Variants in SLC16A10 observed in about 807,000 individuals in gnomAD.
SLC16A10 encodes the protein solute carrier family 16 member 10.
SLC16A10 carries 27 observed loss-of-function variants against 40.0 expected under a neutral mutation model. The ratio of observed to expected loss-of-function variants is 0.67; its 90% confidence interval spans 0.50 to 0.93. The LOEUF (loss-of-function observed/expected upper bound fraction) is 0.93. Among genes scored for constraint, SLC16A10 ranks in the 40% least tolerant of loss-of-function variants. SLC16A10 has a pLI of 0.00. For missense variants in SLC16A10, 529 were observed against 658.2 expected (o/e 0.80, Z 2.15); for synonymous variants, 213 against 249.8 (o/e 0.85, Z 1.39).
At chr6:111,196,011 T>TA (rs1052182913) in intron 3 of SLC16A10, among the ~76,000 whole-genome samples, 2 of 151,560 alleles carry the variant, frequency 1.3e-5, no homozygotes, top group Non-Finnish European at 2.9e-5. Context: ...AAAAAAACAA[T>TA]AAAAAAACAC....
In SLC16A10 at chr6:111,146,164, T is replaced by G. The variant is rs114816245; in HGVS notation, c.344-26531T>G. Among the ~76,000 whole-genome samples, 1,259 of 152,330 alleles carry G rather than the reference T, an allele frequency of 8.3e-3. 27 individuals are homozygous for G. Among genetic ancestry groups the G allele is most frequent in the African/African-American group, 0.029 (1,197 of 41,572 alleles). On this transcript the variant is annotated intron_variant, in intron 1 of 5. Transcript: ENST00000368851. Reference sequence around the variant, plus strand: ...TGTTGAAAGGATTTGAATAGACATTTCTTCAAAGAAGACATATAAATCACC... The same window carrying G: ...TGTTGAAAGGATTTGAATAGACATTGCTTCAAAGAAGACATATAAATCACC...
intron 1 of SLC16A10, among the ~76,000 whole-genome samples, chr6:111,150,763 G>C (rs1772159338): frequency 1.3e-5 from 2 of 152,160 alleles, no homozygotes; most frequent in Admixed American, 1.3e-4. Flanking sequence ...GTGGAAACAG[G>C]CTCTGAGTTG....
In SLC16A10 at chr6:111,087,649, C is replaced by T. The variant is rs537487771; in HGVS notation, c.-104C>T. 2.1e-3 allele frequency: 1,357 copies of T among 655,504 alleles called. 18 individuals carry two copies. In the African/African-American group the frequency reaches 0.024, roughly 11 times the overall value. 40.6% of individuals were successfully genotyped at this position (655,504 alleles called of 1,614,324 possible). A position where few individuals can be genotyped will look rare whatever the true frequency, so the allele number is the denominator to read the frequency against. ...CCGCCAGGGGCTCCGCCGCCCTCGCCTCGGCCTCGTTAGCCCGCCAGGAGC... is the reference window on the plus strand; with the variant it reads ...CCGCCAGGGGCTCCGCCGCCCTCGCTTCGGCCTCGTTAGCCCGCCAGGAGC... On this transcript the variant is annotated 5_prime_UTR_variant, in exon 1 of 6. Coordinates refer to ENST00000368851, the MANE Select transcript of SLC16A10 (RefSeq NM_018593.5).
In SLC16A10 at chr6:111,222,833, C is replaced by G. The variant is rs888510290; in HGVS notation, c.*598C>G. 3.3e-5 allele frequency: 5 copies of G among 152,760 alleles called. No individual in the cohort carries two copies. The Admixed American group carries it at 3.3e-4, about 10-fold the overall frequency. 9.5% of individuals were successfully genotyped at this position (152,760 alleles called of 1,614,324 possible). On this transcript the variant is annotated 3_prime_UTR_variant, in exon 6 of 6. Coordinates refer to ENST00000368851, the MANE Select transcript of SLC16A10 (RefSeq NM_018593.5). ...TGGGAGCAGGTGCTAACATAGTGTT[C>G]AGAATCAATATGTGAGATGAAAAGG...
chr6:111,128,905 ATTCAT>A (rs1384765109), intron 1 of SLC16A10, among the ~76,000 whole-genome samples: 1 of 135,158 alleles, frequency 7.4e-6, no homozygotes, highest in Non-Finnish European at 1.7e-5. Context: ...CAATTTTCAT[ATTCAT>A]TTCAATTGTT....
intron 1 of SLC16A10, among the ~76,000 whole-genome samples, chr6:111,128,045 T>C (rs528049888): frequency 3.9e-5 from 6 of 152,266 alleles, no homozygotes; most frequent in African/African-American, 1.4e-4. Flanking sequence ...TTTAGACTGT[T>C]AGTAGCTTTT....
In SLC16A10 at chr6:111,222,385, A is replaced by T; in HGVS notation, c.*150A>T. On this transcript the variant is annotated 3_prime_UTR_variant, in exon 6 of 6. Transcript: ENST00000368851. ...GAAATAGAACCCTTATCACTAGAAG[A>T]ACCATTTTCTGCCACTAAATATCTC... 1 of 1,000,618 alleles carries T rather than the reference A, an allele frequency of 1.0e-6. No homozygotes were observed. Among genetic ancestry groups the T allele is most frequent in the Non-Finnish European group, 1.4e-6 (1 of 732,464 alleles). 62.0% of individuals were successfully genotyped at this position (1,000,618 alleles called of 1,614,324 possible). A position where few individuals can be genotyped will look rare whatever the true frequency, so the allele number is the denominator to read the frequency against.
At position 111,199,595 on chromosome 6, in the gene SLC16A10, G is replaced by C. The variant is rs536825802; in HGVS notation, c.943-6997G>C. The stretch of plus-strand genomic sequence containing the variant: ...AAATATCTGGCACAGAAATTATTTA[G>C]AGCCACTAAATAATTTCAAATTACC... On this transcript the variant is annotated intron_variant, in intron 3 of 5. Coordinates refer to ENST00000368851, the MANE Select transcript of SLC16A10 (RefSeq NM_018593.5). 2.6e-5 allele frequency among the ~76,000 whole-genome samples: 4 copies of C among 152,068 alleles called. No homozygotes were observed. In the South Asian group the frequency reaches 8.3e-4, roughly 32 times the overall value.
At chr6:111,120,849 A>G (rs567582016) in intron 1 of SLC16A10, among the ~76,000 whole-genome samples, 1 of 152,176 alleles carries the variant, frequency 6.6e-6, no homozygotes, top group African/African-American at 2.4e-5. Context: ...ACTTGGAAAC[A>G]TTTATCTTAA....
chr6:111,228,628 A>G lies in SLC16A10; in HGVS notation c.*6393A>G, dbSNP rs995297578. ...AAGAGTCAGTTTGTTAAATATTTTA[A>G]ATGTGTAAACACAAAACCTTTCTAC... On this transcript the variant is annotated 3_prime_UTR_variant, in exon 6 of 6. Transcript: ENST00000368851. 5 of 152,218 alleles carry G rather than the reference A, an allele frequency of 3.3e-5. No homozygotes were observed. The highest frequency in any genetic ancestry group is 1.2e-4 in the African/African-American group (5 of 41,458). The allele number at this position is 152,218 out of a possible 1,614,324, so 9.4% of individuals were successfully genotyped here. A position where few individuals can be genotyped will look rare whatever the true frequency, so the allele number is the denominator to read the frequency against.
intron 1 of SLC16A10, among the ~76,000 whole-genome samples, chr6:111,153,908 C>CAT (rs1398402826): frequency 6.6e-6 from 1 of 152,134 alleles, no homozygotes; most frequent in African/African-American, 2.4e-5. Flanking sequence ...AGCCACCACC[C>CAT]ATATGGTTTC....
At chr6:111,088,651 C>T (rs1207145535) in intron 1 of SLC16A10, among the ~76,000 whole-genome samples, 2 of 152,124 alleles carry the variant, frequency 1.3e-5, no homozygotes, top group African/African-American at 2.4e-5. Context: ...CGTTCCCGTC[C>T]CCCCGCCTTT....
intron 1 of SLC16A10, among the ~76,000 whole-genome samples, chr6:111,114,290 ACAT>A (rs1406244295): frequency 6.6e-6 from 1 of 152,246 alleles, no homozygotes; most frequent in African/African-American, 2.4e-5. Flanking sequence ...AATCTCAAAA[ACAT>A]CATATCGAAT....
intron 1 of SLC16A10, among the ~76,000 whole-genome samples, chr6:111,168,208 G>A (rs1772514786): frequency 6.6e-6 from 1 of 152,146 alleles, no homozygotes; most frequent in African/African-American, 2.4e-5. Context: ...TCGAACTCCT[G>A]ACCTCAGGTG....
chr6:111,104,899 A>G (rs1470125741), intron 1 of SLC16A10, among the ~76,000 whole-genome samples: 2 of 146,190 alleles, frequency 1.4e-5, no homozygotes, highest in African/African-American at 5.0e-5. Flanking sequence ...TTTGGTCTTA[A>G]AAAAAAAAAA....
intron 3 of SLC16A10, among the ~76,000 whole-genome samples, chr6:111,202,399 G>A (rs1050934094): frequency 6.6e-6 from 1 of 151,972 alleles, no homozygotes; most frequent in Non-Finnish European, 1.5e-5. Flanking sequence ...GATTGTTTAA[G>A]CCCAGGAGGT....
rs1430965052 is a variant in SLC16A10, at chr6:111,224,633, TA to T, written c.*2400del. The T allele has an allele frequency of 2.0e-5, 3 of 152,158 alleles. No individual in the cohort carries two copies. The highest frequency in any genetic ancestry group is 4.4e-5 in the Non-Finnish European group (3 of 68,030). The allele number at this position is 152,158 out of a possible 1,614,324, so 9.4% of individuals were successfully genotyped here. On this transcript the variant is annotated 3_prime_UTR_variant, in exon 6 of 6. Transcript: ENST00000368851. ...ATACTCTGCTATAATAATATAAAAT[TA>T]AGAAGAAAAAGTATAAACGTAAGAT...
intron 1 of SLC16A10, among the ~76,000 whole-genome samples, chr6:111,113,026 G>A (rs967400550): frequency 4.1e-4 from 63 of 152,024 alleles, no homozygotes; most frequent in African/African-American, 1.4e-3. Context: ...AAAATGATTT[G>A]GGGGTCATTT....
chr6:111,160,009 T>C (rs1772341926), intron 1 of SLC16A10, among the ~76,000 whole-genome samples: 1 of 152,238 alleles, frequency 6.6e-6, no homozygotes, highest in African/African-American at 2.4e-5. Flanking sequence ...ATTTTGTATG[T>C]AATTTATATA....
Sources: gnomAD v4.1 joint callset for allele counts (sites outside exome capture counted in the v4.1 genomes callset) on GRCh38, gnomAD v4.1.1 for gene constraint, MANE v1.5 for transcripts, NCBI Gene and HGNC (gene_info 2026-07-23, HGNC 2026-07-21) for gene names.